Variants in CNTNAP5 observed in about 807,000 individuals in gnomAD.
The protein encoded by CNTNAP5 is contactin associated protein family member 5.
Under a neutral mutation model 150.2 loss-of-function variants are expected in CNTNAP5, and 72 were observed. The observed-to-expected ratio is 0.48, with a 90% CI of 0.40 to 0.58. The LOEUF is 0.58. Among genes scored for constraint, CNTNAP5 ranks in the 20% least tolerant of loss-of-function variants. The probability of loss-of-function intolerance (pLI) is 0.00; values close to 1 mark genes in which losing one functional copy is unlikely to be tolerated. For missense variants in CNTNAP5, 1,636 were observed against 1,626.2 expected, an observed-to-expected ratio of 1.01 and a Z score of -0.10; for synonymous variants, 672 against 619.8, an observed-to-expected ratio of 1.08 and a Z score of -1.25.
In CNTNAP5 at chr2:124,524,391, AC is replaced by A. The variant is rs1255434700; in HGVS notation, c.1421del (p.Pro474ArgfsTer31). 1 of 1,613,556 alleles carries A rather than the reference AC, an allele frequency of 6.2e-7. No individual in the cohort carries two copies. The highest frequency in any genetic ancestry group is 8.5e-7 in the Non-Finnish European group (1 of 1,179,794). On this transcript the variant is annotated frameshift_variant, in exon 9 of 24. Coordinates refer to ENST00000682447, the MANE Select transcript of CNTNAP5 (RefSeq NM_001367498.1). LOFTEE classifies it high-confidence loss of function. Reference protein sequence around the residue: ...ITLTLDDEAAPPAPDSTWVQI... With the variant: ...ITLTLDDEAAXPAPDSTWVQI... The stretch of plus-strand genomic sequence containing the variant: ...CGCTCACTCTGGATGATGAAGCAGC[AC>A]CCCCGGCTCCAGACAGCACTTGGGT...
intron 12 of CNTNAP5, among the ~76,000 whole-genome samples, chr2:124,623,584 T>G (rs1218431981): frequency 6.6e-6 from 1 of 152,222 alleles, no homozygotes; most frequent in African/African-American, 2.4e-5. Flanking sequence ...CTTTTTATGG[T>G]TGCCACATAG....
At chr2:124,394,562 T>G (rs1691199081) in intron 3 of CNTNAP5, among the ~76,000 whole-genome samples, 1 of 152,060 alleles carries the variant, frequency 6.6e-6, no homozygotes, top group African/African-American at 2.4e-5. Context: ...AAATGGCATA[T>G]TAACAAGAAG....
At chr2:124,358,231 C>G (rs1244282685) in intron 3 of CNTNAP5, among the ~76,000 whole-genome samples, 3 of 152,032 alleles carry the variant, frequency 2.0e-5, no homozygotes, top group South Asian at 2.1e-4. Context: ...TCTAGATATA[C>G]AATCATGTCA....
At chr2:124,169,321 T>A (rs1381680078) in intron 1 of CNTNAP5, among the ~76,000 whole-genome samples, 1 of 152,090 alleles carries the variant, frequency 6.6e-6, no homozygotes, top group Non-Finnish European at 1.5e-5. Context: ...TGCGCAGCTA[T>A]CCACTCACTC....
At chr2:124,789,473 A>C (rs1681670523) in intron 17 of CNTNAP5, among the ~76,000 whole-genome samples, 1 of 152,042 alleles carries the variant, frequency 6.6e-6, no homozygotes, top group African/African-American at 2.4e-5. Context: ...TATAACATGG[A>C]TTTGTCGTAT....
chr2:124,636,072 G>T (rs562604642), intron 12 of CNTNAP5, among the ~76,000 whole-genome samples: 1 of 152,114 alleles, frequency 6.6e-6, no homozygotes, highest in South Asian at 2.1e-4. Context: ...CTCATGTAAA[G>T]CTCCTTTGAA....
intron 17 of CNTNAP5, among the ~76,000 whole-genome samples, chr2:124,780,329 G>A (rs757588126): frequency 1.7e-4 from 26 of 152,286 alleles, no homozygotes; most frequent in Middle Eastern, 3.4e-3. Context: ...AAACTGAGGG[G>A]TTTTGACATT....
At chr2:124,743,288 T>C (rs778808105) in intron 13 of CNTNAP5, among the ~76,000 whole-genome samples, 8 of 152,234 alleles carry the variant, frequency 5.3e-5, no homozygotes, top group Non-Finnish European at 1.2e-4. Context: ...ATACTAAGTT[T>C]CTGCTTAGCT....
intron 3 of CNTNAP5, among the ~76,000 whole-genome samples, chr2:124,414,586 T>C (rs1482001722): frequency 6.6e-6 from 1 of 152,162 alleles, no homozygotes; most frequent in African/African-American, 2.4e-5. Flanking sequence ...CCAAGATTCC[T>C]TCTCATTGGA....
At chr2:124,494,910 A>G (rs1275715504) in intron 7 of CNTNAP5, among the ~76,000 whole-genome samples, 1 of 152,222 alleles carries the variant, frequency 6.6e-6, no homozygotes, top group Non-Finnish European at 1.5e-5. Context: ...TGAAACTCCT[A>G]GTATAAAGCT....
intron 7 of CNTNAP5, among the ~76,000 whole-genome samples, chr2:124,477,389 G>C (rs62172590): frequency 0.2 from 31,036 of 152,020 alleles, 3,485 homozygotes; most frequent in East Asian, 0.34. Flanking sequence ...TCAAGGGTAT[G>C]AGGCAGAGGA....
intron 1 of CNTNAP5, among the ~76,000 whole-genome samples, chr2:124,077,095 G>T (rs1393570477): frequency 3.3e-5 from 5 of 150,130 alleles, no homozygotes; most frequent in African/African-American, 4.9e-5. Flanking sequence ...TTATTATTAG[G>T]GCTTGAAAGA....
chr2:124,445,084 T>A (rs1439374952), intron 5 of CNTNAP5, among the ~76,000 whole-genome samples: 1 of 148,928 alleles, frequency 6.7e-6, no homozygotes, highest in Non-Finnish European at 1.5e-5. Context: ...CAAATATCTT[T>A]TTTTTTTTTT....
chr2:124,505,425 A>G lies in CNTNAP5; in HGVS notation c.1327+869A>G, dbSNP rs899066152. On this transcript the variant is annotated intron_variant, in intron 8 of 23. Transcript: ENST00000682447. ...ATAACCCCTAAATTCTATTTCAAGT[A>G]AAAATCAGTAAATTTAAAACCATTT... 3.3e-5 allele frequency among the ~76,000 whole-genome samples: 5 copies of G among 152,132 alleles called. No individual in the cohort carries two copies. The East Asian group carries it at 9.6e-4, about 29-fold the overall frequency.
intron 10 of CNTNAP5, among the ~76,000 whole-genome samples, chr2:124,550,097 C>T (rs1695595395): frequency 6.6e-6 from 1 of 152,226 alleles, no homozygotes; most frequent in Non-Finnish European, 1.5e-5. Flanking sequence ...TAGCCTGGAG[C>T]TAAAGACTAA....
intron 1 of CNTNAP5, among the ~76,000 whole-genome samples, chr2:124,199,472 A>G (rs1407724513): frequency 1.4e-5 from 2 of 139,986 alleles, no homozygotes; most frequent in African/African-American, 2.7e-5. Context: ...CTGGAGTGCA[A>G]TAACATGATC....
intron 13 of CNTNAP5, among the ~76,000 whole-genome samples, chr2:124,716,029 T>C (rs182718769): frequency 6.6e-6 from 1 of 152,254 alleles, no homozygotes; most frequent in Admixed American, 6.5e-5. Context: ...AGAATACAGG[T>C]GAAGCTTCAA....
chr2:124,419,388 G>T (rs1033368035), intron 4 of CNTNAP5, among the ~76,000 whole-genome samples: 1 of 152,154 alleles, frequency 6.6e-6, no homozygotes, highest in East Asian at 1.9e-4. Context: ...AGGGTTGAAA[G>T]ATGTCTTTGA....
intron 13 of CNTNAP5, among the ~76,000 whole-genome samples, chr2:124,654,994 T>A (rs1312668529): frequency 3.3e-5 from 5 of 151,978 alleles, no homozygotes; most frequent in Admixed American, 1.3e-4. Context: ...ATTATTATTA[T>A]ACTTTAGGTT....
Sources: gnomAD v4.1 joint callset for allele counts (sites outside exome capture counted in the v4.1 genomes callset) on GRCh38, gnomAD v4.1.1 for gene constraint, MANE v1.5 for transcripts, NCBI Gene and HGNC (gene_info 2026-07-23, HGNC 2026-07-21) for gene names.